The following TRIM33 variants were observed in gnomAD, a reference collection of about 807,000 sequenced individuals.
TRIM33 encodes tripartite motif containing 33, also known as E3 ubiquitin-protein ligase TRIM33.
In TRIM33, 20 loss-of-function variants were observed where a neutral mutation model predicts 125.4. The observed-to-expected ratio is 0.16, with a 90% CI of 0.11 to 0.23. The LOEUF (loss-of-function observed/expected upper bound fraction) is 0.23, where lower values mean the gene tolerates loss of function less well. Ranked by LOEUF, TRIM33 falls within the 10% of genes least tolerant of loss-of-function variation. TRIM33 has a pLI of 1.00. For missense variants in TRIM33, 920 were observed against 1,411.4 expected, an observed-to-expected ratio of 0.65 and a Z score of 5.58; for synonymous variants, 564 against 513.9, an observed-to-expected ratio of 1.10 and a Z score of -1.32.
At chr1:114,507,350 ACT>A (rs1037486389) in intron 1 of TRIM33, among the ~76,000 whole-genome samples, 7 of 152,166 alleles carry the variant, frequency 4.6e-5, no homozygotes, top group African/African-American at 1.7e-4. Flanking sequence ...CAGGAACCAC[ACT>A]CTGAGAACTG....
At chr1:114,489,943 T>G (rs1651948454) in intron 1 of TRIM33, among the ~76,000 whole-genome samples, 1 of 151,212 alleles carries the variant, frequency 6.6e-6, no homozygotes, top group African/African-American at 2.4e-5. Flanking sequence ...TAGCGCTAAA[T>G]CAGATATAAG....
At chr1:114,477,273 A>G (rs1033033221) in intron 1 of TRIM33, among the ~76,000 whole-genome samples, 1 of 152,160 alleles carries the variant, frequency 6.6e-6, no homozygotes, top group African/African-American at 2.4e-5. Flanking sequence ...AAAAAAGAGA[A>G]GCAAACAACC....
At chr1:114,442,192 T>A (rs1178944370) in intron 4 of TRIM33, among the ~76,000 whole-genome samples, 1 of 152,210 alleles carries the variant, frequency 6.6e-6, no homozygotes, top group Non-Finnish European at 1.5e-5. Context: ...TGAATACTCA[T>A]TTGTTGAGTG....
chr1:114,471,618 A>G (rs1353741572), intron 1 of TRIM33, among the ~76,000 whole-genome samples: 2 of 152,166 alleles, frequency 1.3e-5, no homozygotes, highest in Non-Finnish European at 2.9e-5. Context: ...TACAGCAGCA[A>G]CTGCAAAAAA....
At chr1:114,422,209 TAAG>T (rs1325934483) in intron 10 of TRIM33, among the ~76,000 whole-genome samples, 1 of 152,126 alleles carries the variant, frequency 6.6e-6, no homozygotes, top group Non-Finnish European at 1.5e-5. Context: ...AAGAAAATCT[TAAG>T]AAAACGAATT....
At position 114,425,525 on chromosome 1, in the gene TRIM33, G is replaced by A. The variant is rs1329877607; in HGVS notation, c.1619C>T (p.Pro540Leu). The part of the protein sequence containing the change: ...QLQQMRMQQP[P>L]APVPTTTTTT... ...TGTTGTTGTAGTTGGTACAGGTGCT[G>A]GTGGTTGCTGCATCCTCATCTGTTG... The change falls in exon 9 of 20, where the codon CCA becomes CTA. Residue 540 changes from proline (P) to leucine (L), a missense_variant. This residue lies in a region of TRIM33 where 407 missense variants were observed against 589.7 expected (regional missense o/e 0.69). Coordinates refer to ENST00000358465, the MANE Select transcript of TRIM33 (RefSeq NM_015906.4). 1 of 1,614,108 alleles carries A rather than the reference G, an allele frequency of 6.2e-7. No individual in the cohort carries two copies.
chr1:114,405,331 C>A, intron 15 of TRIM33, 79 bp downstream of exon 15: 1 of 1,100,474 alleles, frequency 9.1e-7, no homozygotes. Context: ...GTTAGAAGGC[C>A]ATCTGCCCTG....
In TRIM33 at chr1:114,394,637, CA is replaced by C; in HGVS notation, c.*3010del. 1 of 205,380 alleles carries C rather than the reference CA, an allele frequency of 4.9e-6. No individual in the cohort carries two copies. Among genetic ancestry groups the C allele is most frequent in the Non-Finnish European group, 1.0e-5 (1 of 100,298 alleles). The allele number at this position is 205,380 out of a possible 1,614,324, so 12.7% of individuals were successfully genotyped here. A position where few individuals can be genotyped will look rare whatever the true frequency, so the allele number is the denominator to read the frequency against. The stretch of plus-strand genomic sequence containing the variant: ...GTCAGAAAGTACCAACTTGTTGATC[CA>C]AAAATAATAATTTCAATAGTGGATC... On this transcript the variant is annotated 3_prime_UTR_variant, in exon 20 of 20. Coordinates refer to ENST00000358465, the MANE Select transcript of TRIM33 (RefSeq NM_015906.4).
Position 114,425,569 on chromosome 1 carries a change from T to C in TRIM33, c.1575A>G (p.Ala525=), listed in dbSNP as rs764452768. 6 of 1,614,042 alleles carry C rather than the reference T, an allele frequency of 3.7e-6. No homozygotes were observed. The East Asian group carries it at 1.3e-4, about 36-fold the overall frequency. Residue 525 remains alanine (A), a synonymous_variant, in exon 9 of 20, where the codon GCA becomes GCG. Transcript: ENST00000358465. ...TCTGTTGCAACTGCTGATGTTTCTG[T>C]GCATATACTTGTTGTTGCATGTGCT... is the stretch of plus-strand genomic sequence containing the variant. ...RLQHMQQQVY[A]QKHQQLQQMR... is the part of the protein sequence containing the mutation.
At chr1:114,447,472 T>C (rs1403956965) in intron 4 of TRIM33, among the ~76,000 whole-genome samples, 1 of 152,114 alleles carries the variant, frequency 6.6e-6, no homozygotes, top group Non-Finnish European at 1.5e-5. Flanking sequence ...GATCAGTAGT[T>C]GAGTTTTGGA....
At chr1:114,400,819 T>C (rs1163640520) in intron 17 of TRIM33, among the ~76,000 whole-genome samples, 3 of 152,172 alleles carry the variant, frequency 2.0e-5, no homozygotes, top group African/African-American at 7.2e-5. Context: ...CCTCTAATCT[T>C]CCTTTTATTG....
chr1:114,435,441 T>C (rs1648216615), intron 4 of TRIM33, among the ~76,000 whole-genome samples: 2 of 152,196 alleles, frequency 1.3e-5, no homozygotes, highest in Admixed American at 6.5e-5. Context: ...ATTGTCTATA[T>C]GGGCACTAAA....
chr1:114,464,457 T>A, intron 1 of TRIM33, 69 bp from the exon 2 acceptor site: 3 of 847,608 alleles, frequency 3.5e-6, no homozygotes, highest in Non-Finnish European at 5.5e-6. Flanking sequence ...GATGTCCATA[T>A]AGAAACATTA....
chr1:114,452,386 G>A (rs1455642307), intron 4 of TRIM33, among the ~76,000 whole-genome samples: 2 of 152,074 alleles, frequency 1.3e-5, no homozygotes, highest in African/African-American at 4.8e-5. Flanking sequence ...CTTGAAACCG[G>A]GAGGCGGAGG....
chr1:114,436,401 A>AAG (rs1491287194), intron 4 of TRIM33, among the ~76,000 whole-genome samples: 1 of 78,192 alleles, frequency 1.3e-5, no homozygotes, highest in Non-Finnish European at 2.5e-5. Flanking sequence ...ACTCTGTCTC[A>AAG]AAAAAAAAAA....
At chr1:114,462,906 C>T (rs1285451012) in intron 4 of TRIM33, among the ~76,000 whole-genome samples, 198 bp downstream of exon 4, 1 of 152,036 alleles carries the variant, frequency 6.6e-6, no homozygotes, top group Non-Finnish European at 1.5e-5. Flanking sequence ...AACAAACATT[C>T]ATAAGACAAT....
chr1:114,463,550 T>C lies in TRIM33; in HGVS notation c.652A>G (p.Thr218Ala), dbSNP rs1650113584. The C allele has an allele frequency of 6.3e-7, 1 of 1,591,986 alleles. No homozygotes were observed. Among genetic ancestry groups the C allele is most frequent in the Non-Finnish European group, 8.6e-7 (1 of 1,166,984 alleles). Residue 218 changes from threonine (T) to alanine (A), a missense_variant, in exon 3 of 20, where the codon ACT becomes GCT. This residue lies in a region of TRIM33 where 24 missense variants were observed against 83.9 expected (regional missense o/e 0.29). Coordinates refer to ENST00000358465, the MANE Select transcript of TRIM33 (RefSeq NM_015906.4). Reference sequence around the variant, plus strand: ...GCACTTGCATTGTCTTCACAACTAGTACATACCTAAAAGAAGAAATAAGCA... The same window carrying C: ...GCACTTGCATTGTCTTCACAACTAGCACATACCTAAAAGAAGAAATAAGCA... The part of the protein sequence containing the change: ...SSDEKSEQVC[T>A]SCEDNASAVG...
chr1:114,473,801 C>T (rs75984431), intron 1 of TRIM33, among the ~76,000 whole-genome samples: 1,565 of 152,080 alleles, frequency 0.01, 25 homozygotes, highest in African/African-American at 0.036. Flanking sequence ...AAGCAATCAA[C>T]GTAGATCTAA....
chr1:114,506,874 C>A (rs929206370), intron 1 of TRIM33, among the ~76,000 whole-genome samples: 20 of 152,288 alleles, frequency 1.3e-4, no homozygotes, highest in Non-Finnish European at 2.4e-4. Context: ...GGTGGTACCA[C>A]CAGCATCAAA....
Sources: gnomAD v4.1 joint callset for allele counts (sites outside exome capture counted in the v4.1 genomes callset) on GRCh38, gnomAD v4.1.1 for gene constraint, gnomAD v4.1.1 regional missense constraint, MANE v1.5 for transcripts, NCBI Gene and HGNC (gene_info 2026-07-23, HGNC 2026-07-21) for gene names.